The following EPHA7 variants were observed in gnomAD, a reference collection of about 807,000 sequenced individuals.
EPHA7 encodes the protein ephrin type-A receptor 7.
A neutral mutation model predicts 112.6 loss-of-function variants in EPHA7; 25 were observed. That is an observed-to-expected ratio of 0.22 (90% CI 0.16 to 0.31). EPHA7 has a LOEUF of 0.31. Ranked by LOEUF, EPHA7 falls within the 10% of genes least tolerant of loss-of-function variation. The pLI, the probability that EPHA7 is intolerant of heterozygous loss-of-function variation, is 1.00. For synonymous variants in EPHA7, 437 were observed against 406.5 expected, an observed-to-expected ratio of 1.07 and a Z score of -0.90; for missense variants, 962 against 1,212.6, an observed-to-expected ratio of 0.79 and a Z score of 3.07.
intron 14 of EPHA7, among the ~76,000 whole-genome samples, 181 bp from the exon 15 acceptor site, chr6:93,247,166 G>C (rs962122858): frequency 6.6e-6 from 1 of 152,132 alleles, no homozygotes; most frequent in Non-Finnish European, 1.5e-5. Context: ...TGCGTGAAGT[G>C]CAGGATATGA....
intron 5 of EPHA7, among the ~76,000 whole-genome samples, chr6:93,284,669 A>G (rs988825928): frequency 6.6e-6 from 1 of 152,214 alleles, no homozygotes; most frequent in Non-Finnish European, 1.5e-5. Context: ...TGAAGCCATA[A>G]AAAAGGATAG....
intron 1 of EPHA7, among the ~76,000 whole-genome samples, chr6:93,416,503 G>C (rs954067303): frequency 1.3e-5 from 2 of 152,138 alleles, no homozygotes; most frequent in African/African-American, 4.8e-5. Context: ...AGACAGCAGT[G>C]ATGGCCAAGT....
At chr6:93,293,958 C>T (rs1772518438) in intron 5 of EPHA7, among the ~76,000 whole-genome samples, 1 of 152,152 alleles carries the variant, frequency 6.6e-6, no homozygotes, top group Admixed American at 6.5e-5. Flanking sequence ...CATCATTTTT[C>T]CCAGGTGGGC....
At chr6:93,243,611 C>G in intron 16 of EPHA7, 71 bp from the exon 17 acceptor site, 1 of 1,038,768 alleles carries the variant, frequency 9.6e-7, no homozygotes, top group Non-Finnish European at 1.5e-6. Context: ...CTGTCATCAA[C>G]TGTTTAATTA....
chr6:93,269,430 A>G, intron 7 of EPHA7, 47 bp downstream of exon 7: 1 of 1,534,618 alleles, frequency 6.5e-7, no homozygotes, highest in Non-Finnish European at 8.9e-7. Flanking sequence ...ATATTAATAT[A>G]TGCTAGAGTT....
chr6:93,268,666 G>A (rs1335641172), intron 7 of EPHA7, among the ~76,000 whole-genome samples: 1 of 151,686 alleles, frequency 6.6e-6, no homozygotes, highest in Non-Finnish European at 1.5e-5. Flanking sequence ...AGGAGCAACA[G>A]CAGTGGTATT....
intron 3 of EPHA7, among the ~76,000 whole-genome samples, chr6:93,370,412 C>T (rs1776731920): frequency 6.6e-6 from 1 of 152,060 alleles, no homozygotes; most frequent in South Asian, 2.1e-4. Flanking sequence ...ACTTTCATTT[C>T]TGTTGGTAAT....
chr6:93,308,026 TGGTGCAG>T (rs1357791612), intron 5 of EPHA7, among the ~76,000 whole-genome samples: 2 of 152,168 alleles, frequency 1.3e-5, no homozygotes, highest in African/African-American at 4.8e-5. Context: ...GCTGTGCTCT[TGGTGCAG>T]GGTGTAGGCT....
chr6:93,323,122 T>C (rs1038325401), intron 5 of EPHA7, among the ~76,000 whole-genome samples: 1 of 151,680 alleles, frequency 6.6e-6, no homozygotes, highest in Non-Finnish European at 1.5e-5. Flanking sequence ...TTTTTGATTA[T>C]ACATATTTAA....
intron 7 of EPHA7, among the ~76,000 whole-genome samples, chr6:93,265,120 T>C (rs2127869920): frequency 6.6e-6 from 1 of 151,748 alleles, no homozygotes; most frequent in East Asian, 1.9e-4. Context: ...TCATGTATTT[T>C]TGAAGTACCT....
At chr6:93,274,401 T>C (rs1034543971) in intron 5 of EPHA7, among the ~76,000 whole-genome samples, 5 of 151,912 alleles carry the variant, frequency 3.3e-5, no homozygotes, top group Admixed American at 1.3e-4. Context: ...TTGCAAGTTA[T>C]ACACTAAAAT....
At chr6:93,302,822 G>C (rs1582480515) in intron 5 of EPHA7, among the ~76,000 whole-genome samples, 1 of 81,074 alleles carries the variant, frequency 1.2e-5, no homozygotes, top group South Asian at 4.3e-4. Context: ...CTGGAGTCAT[G>C]GAAGAGAAAT....
intron 6 of EPHA7, among the ~76,000 whole-genome samples, chr6:93,270,839 C>A (rs62414226): frequency 1.3e-5 from 2 of 151,632 alleles, no homozygotes; most frequent in African/African-American, 2.4e-5. Flanking sequence ...ATCACGCATG[C>A]GTGCATATAC....
At chr6:93,287,593 C>T (rs1772133587) in intron 5 of EPHA7, among the ~76,000 whole-genome samples, 1 of 150,650 alleles carries the variant, frequency 6.6e-6, no homozygotes, top group African/African-American at 2.4e-5. Flanking sequence ...TAGGTAAACT[C>T]GTGTCATGGG....
chr6:93,395,688 G>T (rs189428856), intron 3 of EPHA7, among the ~76,000 whole-genome samples: 1 of 151,456 alleles, frequency 6.6e-6, no homozygotes, highest in East Asian at 2.0e-4. Flanking sequence ...CATTTGCTAT[G>T]CATAAGGTCA....
intron 3 of EPHA7, among the ~76,000 whole-genome samples, chr6:93,405,543 C>T (rs1274839851): frequency 6.6e-6 from 1 of 151,364 alleles, no homozygotes; most frequent in African/African-American, 2.4e-5. Context: ...GATAAGCATT[C>T]ATTGATTATT....
At chr6:93,383,603 T>C (rs943174070) in intron 3 of EPHA7, among the ~76,000 whole-genome samples, 2 of 152,178 alleles carry the variant, frequency 1.3e-5, no homozygotes, top group East Asian at 3.8e-4. Flanking sequence ...TTATTTGTCA[T>C]AAAAATGTAA....
intron 5 of EPHA7, among the ~76,000 whole-genome samples, chr6:93,349,683 T>C (rs1405281446): frequency 1.3e-5 from 2 of 151,814 alleles, no homozygotes; most frequent in Admixed American, 1.3e-4. Flanking sequence ...AATAAGAAAA[T>C]ATATTTTCTC....
chr6:93,287,573 G>T (rs1772132478), intron 5 of EPHA7, among the ~76,000 whole-genome samples: 3 of 150,398 alleles, frequency 2.0e-5, no homozygotes, highest in African/African-American at 7.4e-5. Flanking sequence ...ACCTGTGCAG[G>T]TATGTTATAT....
Sources: gnomAD v4.1 joint callset for allele counts (sites outside exome capture counted in the v4.1 genomes callset) on GRCh38, gnomAD v4.1.1 for gene constraint, MANE v1.5 for transcripts, NCBI Gene and HGNC (gene_info 2026-07-23, HGNC 2026-07-21) for gene names.